KCNH8: variants seen among roughly 807,000 people sequenced by gnomAD.
KCNH8 encodes potassium voltage-gated channel subfamily H member 8.
A neutral mutation model predicts 103.6 loss-of-function variants in KCNH8; 70 were observed. The observed-to-expected ratio is 0.68, with a 90% CI of 0.56 to 0.82. The LOEUF is 0.82. Ranked by LOEUF, KCNH8 falls within the 40% of genes least tolerant of loss-of-function variation. The probability of loss-of-function intolerance (pLI) is 0.00; values close to 1 mark genes in which losing one functional copy is unlikely to be tolerated. For missense variants in KCNH8, 1,217 were observed against 1,329.9 expected (o/e 0.92, Z 1.32); for synonymous variants, 498 against 489.4 (o/e 1.02, Z -0.23).
intron 3 of KCNH8, among the ~76,000 whole-genome samples, chr3:19,286,420 G>A (rs2064832941): frequency 6.6e-6 from 1 of 152,200 alleles, no homozygotes; most frequent in African/African-American, 2.4e-5. Flanking sequence ...CATGGGAACA[G>A]AACAGCCATA....
chr3:19,472,195 CGT>C (rs57766729), intron 11 of KCNH8, among the ~76,000 whole-genome samples: 5,592 of 137,324 alleles, frequency 0.041, 127 homozygotes, highest in South Asian at 0.057. Flanking sequence ...TCACTTCATT[CGT>C]GTGTGTGTGT....
intron 2 of KCNH8, among the ~76,000 whole-genome samples, chr3:19,264,306 C>T (rs1465733788): frequency 6.6e-6 from 1 of 151,972 alleles, no homozygotes; most frequent in African/African-American, 2.4e-5. Flanking sequence ...TCTGCCTTGC[C>T]GTTTATCTTT....
chr3:19,380,620 T>A (rs922176673), intron 5 of KCNH8, among the ~76,000 whole-genome samples: 1 of 152,218 alleles, frequency 6.6e-6, no homozygotes. Flanking sequence ...TACCCTCTAC[T>A]CAAGTAACTC....
intron 10 of KCNH8, 151 bp from the exon 11 acceptor site, chr3:19,456,617 G>T (rs2067536224): frequency 1.7e-6 from 1 of 595,190 alleles, no homozygotes; most frequent in Non-Finnish European, 3.0e-6. Context: ...TGATGCTATT[G>T]TATGCCAAAG....
intron 1 of KCNH8, among the ~76,000 whole-genome samples, chr3:19,246,274 G>GTTTTTTT (rs920423108): frequency 2.2e-3 from 190 of 86,308 alleles, no homozygotes; most frequent in Non-Finnish European, 2.8e-3. Flanking sequence ...TGTTGTTGTT[G>GTTTTTTT]TTTTTTTTTT....
At chr3:19,161,083 G>A (rs1382545434) in intron 1 of KCNH8, among the ~76,000 whole-genome samples, 1 of 152,062 alleles carries the variant, frequency 6.6e-6, no homozygotes, top group Non-Finnish European at 1.5e-5. Flanking sequence ...AAATTGTGAT[G>A]GGAAAAAAAT....
At chr3:19,482,067 G>T (rs1403804252) in intron 11 of KCNH8, among the ~76,000 whole-genome samples, 3 of 152,158 alleles carry the variant, frequency 2.0e-5, no homozygotes, top group African/African-American at 4.8e-5. Context: ...AACTCTAAGG[G>T]TGTCCATGTG....
intron 5 of KCNH8, among the ~76,000 whole-genome samples, chr3:19,363,662 A>G (rs910726167): frequency 2.0e-5 from 3 of 152,082 alleles, no homozygotes; most frequent in African/African-American, 7.2e-5. Flanking sequence ...GTACCATTGA[A>G]CTCTACTCAT....
chr3:19,348,752 T>C (rs1179175084), intron 5 of KCNH8, among the ~76,000 whole-genome samples: 1 of 152,034 alleles, frequency 6.6e-6, no homozygotes, highest in Non-Finnish European at 1.5e-5. Flanking sequence ...AGGGCTATAT[T>C]CTTACTGTAA....
chr3:19,354,378 T>C (rs1451654467), intron 5 of KCNH8, among the ~76,000 whole-genome samples: 1 of 152,126 alleles, frequency 6.6e-6, no homozygotes, highest in Non-Finnish European at 1.5e-5. Flanking sequence ...TGGAAAAAAC[T>C]ACTTTAAAGT....
At chr3:19,427,003 A>G (rs530162696) in intron 7 of KCNH8, among the ~76,000 whole-genome samples, 2 of 152,274 alleles carry the variant, frequency 1.3e-5, no homozygotes, top group East Asian at 1.9e-4. Context: ...ATATAATATC[A>G]TAAGTGTCAC....
At chr3:19,349,987 A>G (rs2065777919) in intron 5 of KCNH8, among the ~76,000 whole-genome samples, 1 of 152,102 alleles carries the variant, frequency 6.6e-6, no homozygotes, top group Non-Finnish European at 1.5e-5. Context: ...GTCTGCAAGC[A>G]GTTCTAGTGT....
intron 2 of KCNH8, among the ~76,000 whole-genome samples, chr3:19,259,581 C>T (rs1056549213): frequency 6.6e-6 from 1 of 151,524 alleles, no homozygotes; most frequent in African/African-American, 2.4e-5. Context: ...CAGTCATTGT[C>T]CCTTATTTTA....
At chr3:19,220,673 C>T (rs1029787416) in intron 1 of KCNH8, among the ~76,000 whole-genome samples, 1 of 152,036 alleles carries the variant, frequency 6.6e-6, no homozygotes, top group African/African-American at 2.4e-5. Flanking sequence ...CAAAAGGCAT[C>T]ATTGACCAAA....
chr3:19,210,036 T>C (rs2063754773), intron 1 of KCNH8, among the ~76,000 whole-genome samples: 1 of 152,112 alleles, frequency 6.6e-6, no homozygotes, highest in African/African-American at 2.4e-5. Flanking sequence ...AGACAATTTA[T>C]ATACTCTTTT....
rs80125170 is a variant in KCNH8, at chr3:19,205,616, A to G, written c.77-48038A>G. On this transcript the variant is annotated intron_variant, in intron 1 of 15. Coordinates refer to ENST00000328405, the MANE Select transcript of KCNH8 (RefSeq NM_144633.3). ...CTGATAGAAACATGCTCAGTGTACT[A>G]CAGGAATACATAGAAGTGGCATCCA... Among the ~76,000 whole-genome samples, 968 of 152,098 alleles carry G rather than the reference A, an allele frequency of 6.4e-3. 14 individuals carry two copies. The highest frequency in any genetic ancestry group is 0.021 in the African/African-American group (869 of 41,512).
At chr3:19,158,470 T>C (rs2063202536) in intron 1 of KCNH8, among the ~76,000 whole-genome samples, 1 of 151,830 alleles carries the variant, frequency 6.6e-6, no homozygotes, top group African/African-American at 2.4e-5. Context: ...TCAGATTTTC[T>C]AATTGAAAAA....
At position 19,533,462 on chromosome 3, in the gene KCNH8, A is replaced by C; in HGVS notation, c.2687A>C (p.Glu896Ala). The change falls in exon 16 of 16, where the codon GAA becomes GCA. Residue 896 changes from glutamate to alanine, a missense_variant. Glu to Ala is a moderately radical substitution (Grantham distance 107). Coordinates refer to ENST00000328405, the MANE Select transcript of KCNH8 (RefSeq NM_144633.3). ...ATGAGAAATGTGATCCAGCTTCTGGAAAACGTTCTGTCACCTCAGCAGCCA... is the reference window on the plus strand; with the variant it reads ...ATGAGAAATGTGATCCAGCTTCTGGCAAACGTTCTGTCACCTCAGCAGCCA... ...KDMRNVIQLLENVLSPQQPSR... is the reference protein window; with the variant it reads ...KDMRNVIQLLANVLSPQQPSR... The C allele has an allele frequency of 6.2e-7, 1 of 1,614,132 alleles. No individual in the cohort carries two copies. Among genetic ancestry groups the C allele is most frequent in the Non-Finnish European group, 8.5e-7 (1 of 1,180,012 alleles).
intron 2 of KCNH8, among the ~76,000 whole-genome samples, chr3:19,264,056 A>C (rs111719058): frequency 1.2e-4 from 19 of 152,144 alleles, no homozygotes; most frequent in African/African-American, 4.6e-4. Flanking sequence ...ATGCCCTCAA[A>C]TAGAAAGCAT....
Sources: allele counts gnomAD v4.1 joint callset (sites outside exome capture counted in the v4.1 genomes callset), GRCh38; gene constraint gnomAD v4.1.1; transcripts MANE v1.5; gene names NCBI Gene and HGNC (gene_info 2026-07-23, HGNC 2026-07-21).